The following ZNF596 variants were observed in gnomAD, a reference collection of about 807,000 sequenced individuals.
The protein encoded by ZNF596 is zinc finger protein 596.
A neutral mutation model predicts 48.3 loss-of-function variants in ZNF596; 45 were observed. The ratio of observed to expected loss-of-function variants is 0.93; its 90% confidence interval spans 0.73 to 1.19. The LOEUF (loss-of-function observed/expected upper bound fraction) is 1.19, where lower values mean the gene tolerates loss of function less well. ZNF596 is among the 50% of genes most tolerant of loss of function. The pLI is 0.00. For missense variants in ZNF596, 848 were observed against 599.7 expected, an observed-to-expected ratio of 1.41 and a Z score of -4.32; for synonymous variants, 270 against 202.0, an observed-to-expected ratio of 1.34 and a Z score of -2.85.
At chr8:244,852 A>T (rs1796999201) in intron 5 of ZNF596, 151 bp downstream of exon 5, 1 of 713,228 alleles carries the variant, frequency 1.4e-6, no homozygotes, top group African/African-American at 1.8e-5. Context: ...CTTCAAATCA[A>T]AACCATAATA....
chr8:234,604 A>T (rs984331284), intron 1 of ZNF596: 4 of 152,194 alleles, frequency 2.6e-5, no homozygotes, highest in African/African-American at 9.6e-5. Flanking sequence ...GGAAAAAGTC[A>T]TGTTATTCAT....
At chr8:238,131 G>C (rs3008278) in intron 1 of ZNF596, among the ~76,000 whole-genome samples, 51,101 of 151,974 alleles carry the variant, frequency 0.34, 8,988 homozygotes, top group Non-Finnish European at 0.38. Flanking sequence ...AAGCTCACAG[G>C]GGCCTTGGAT....
chr8:237,885 T>C (rs983381329), intron 1 of ZNF596, among the ~76,000 whole-genome samples: 1 of 152,224 alleles, frequency 6.6e-6, no homozygotes, highest in Non-Finnish European at 1.5e-5. Context: ...TGGCTGAGCT[T>C]CTGCCATCTG....
rs746789467 is a variant in ZNF596, at chr8:240,931, A to C, written c.12+24A>C. On this transcript the variant is annotated intron_variant, in intron 2 of 5. Coordinates refer to ENST00000398612, the MANE Select transcript of ZNF596 (RefSeq NM_001042416.3). Reference sequence around the variant, plus strand: ...CGGTGAGTGGGAAATTCTTCTTTCTACTGAAATTTGTACCCCTGTTACCAG... The same window carrying C: ...CGGTGAGTGGGAAATTCTTCTTTCTCCTGAAATTTGTACCCCTGTTACCAG... The C allele has an allele frequency of 6.2e-6, 10 of 1,613,838 alleles. No individual in the cohort carries two copies. In the Admixed American group the frequency reaches 1.3e-4, roughly 22 times the overall value.
intron 1 of ZNF596, among the ~76,000 whole-genome samples, chr8:239,386 G>C (rs945238275): frequency 6.6e-6 from 1 of 152,052 alleles, no homozygotes; most frequent in Non-Finnish European, 1.5e-5. Flanking sequence ...ACGGGGTTTT[G>C]GGGTTTCACC....
In ZNF596 at chr8:245,397, C is replaced by T. The variant is rs867319545; in HGVS notation, c.550C>T (p.Pro184Ser). Residue 184 changes from proline (P) to serine (S), a missense_variant, in exon 6 of 6, where the codon CCA (proline) becomes TCA (serine). Transcript: ENST00000398612. ...CTTTATCCAAAACTCTGCCCTTAGA[C>T]CACACAGTGTGACTCACACTAGAGA... ...YAFIQNSALRPHSVTHTREIT... is the reference protein window; with the variant it reads ...YAFIQNSALRSHSVTHTREIT... 2 of 1,614,034 alleles carry T rather than the reference C, an allele frequency of 1.2e-6. No individual in the cohort carries two copies. Among genetic ancestry groups the T allele is most frequent in the Non-Finnish European group, 1.7e-6 (2 of 1,180,016 alleles).
At chr8:233,652 C>G (rs924222323) in intron 1 of ZNF596, 44 of 152,774 alleles carry the variant, frequency 2.9e-4, no homozygotes, top group African/African-American at 1.1e-3. Flanking sequence ...TTTGTTCCAA[C>G]AGATTACATG....
intron 1 of ZNF596, among the ~76,000 whole-genome samples, chr8:235,107 G>C (rs1488772269): frequency 4.6e-5 from 7 of 152,170 alleles, no homozygotes; most frequent in Non-Finnish European, 7.3e-5. Flanking sequence ...TGATAGCTTT[G>C]ACAAATTAAG....
At chr8:232,287 C>T (rs554044315), upstream of ZNF596, 133 of 168,566 alleles carry the variant, frequency 7.9e-4, no homozygotes, top group Non-Finnish European at 1.8e-3. Flanking sequence ...CCGCCCCTGC[C>T]CGAGACCCCG....
At chr8:235,727 C>T (rs1392719698) in intron 1 of ZNF596, among the ~76,000 whole-genome samples, 4 of 152,060 alleles carry the variant, frequency 2.6e-5, no homozygotes, top group Non-Finnish European at 2.9e-5. Flanking sequence ...CCTTCCTTCA[C>T]GCCCTTTGAT....
rs201830584 is a variant in ZNF596, at chr8:243,949, G to A, written c.223+144G>A. 152 of 592,706 alleles carry A rather than the reference G, an allele frequency of 2.6e-4. 1 individual carries two copies. The East Asian group carries it at 4.1e-3, about 16-fold the overall frequency. 36.7% of individuals were successfully genotyped at this position (592,706 alleles called of 1,614,324 possible). A position where few individuals can be genotyped will look rare whatever the true frequency, so the allele number is the denominator to read the frequency against. ...GTCACCCAGGCTGGAGTGCAGTGGC[G>A]TGATCTCGGCTCACTGCAACCTCTG... On this transcript the variant is annotated intron_variant, in intron 4 of 5. Coordinates refer to ENST00000398612, the MANE Select transcript of ZNF596 (RefSeq NM_001042416.3).
rs1303643393 is a variant in ZNF596 at position 243,748 on chromosome 8, C to T, written c.166C>T (p.Leu56Phe). ...CAAACAGCTCTGCAAATCAGTTGTG[C>T]TTTCCCAATTGGAGCAAGTAGAGAA... ...IGKQLCKSVV[L>F]SQLEQVEKLS... is the part of the protein sequence containing the mutation. Residue 56 changes from leucine to phenylalanine, a missense_variant, in exon 4 of 6, where the codon CTT (leucine) becomes TTT (phenylalanine). Coordinates refer to ENST00000398612, the MANE Select transcript of ZNF596 (RefSeq NM_001042416.3). The T allele has an allele frequency of 6.2e-7, 1 of 1,613,740 alleles. No individual in the cohort carries two copies. The highest frequency in any genetic ancestry group is 8.5e-7 in the Non-Finnish European group (1 of 1,179,760).
chr8:245,421 G>T lies in ZNF596; in HGVS notation c.574G>T (p.Glu192Ter). The change falls in exon 6 of 6, where the codon GAG (glutamate) becomes TAG (stop). Residue 192 changes from glutamate (E) to a stop codon, truncating the protein, a stop_gained. Transcript: ENST00000398612. LOFTEE classifies it high-confidence loss of function. Reference sequence around the variant, plus strand: ...ACCACACAGTGTGACTCACACTAGAGAGATAACATTGGAATGTCGTGTGTG... The same window carrying T: ...ACCACACAGTGTGACTCACACTAGATAGATAACATTGGAATGTCGTGTGTG... ...LRPHSVTHTR[E>*]ITLECRVCGK... 1 of 1,614,164 alleles carries T rather than the reference G, an allele frequency of 6.2e-7. No homozygotes were observed. The highest frequency in any genetic ancestry group is 8.5e-7 in the Non-Finnish European group (1 of 1,180,014).
chr8:245,791 C>A lies in ZNF596; in HGVS notation c.944C>A (p.Ala315Asp). 6.2e-7 allele frequency: 1 copy of A among 1,614,098 alleles called. No homozygotes were observed. Among genetic ancestry groups the A allele is most frequent in the Non-Finnish European group, 8.5e-7 (1 of 1,180,012 alleles). The change falls in exon 6 of 6, where the codon GCT becomes GAT. Residue 315 changes from alanine (A) to aspartate (D), a missense_variant. Coordinates refer to ENST00000398612, the MANE Select transcript of ZNF596 (RefSeq NM_001042416.3). ...KPYGCLLCGK[A>D]FSKCSYLRQH... ...TATGGATGTCTCCTATGTGGGAAGGCTTTCAGTAAATGTTCTTACCTTAGA... is the reference window on the plus strand; with the variant it reads ...TATGGATGTCTCCTATGTGGGAAGGATTTCAGTAAATGTTCTTACCTTAGA...
rs756152260 is a variant in ZNF596, at chr8:245,448, G to A, written c.601G>A (p.Gly201Arg). 4.3e-6 allele frequency: 7 copies of A among 1,614,154 alleles called. No individual in the cohort carries two copies. Among genetic ancestry groups the A allele is most frequent in the South Asian group, 1.1e-5 (1 of 91,086 alleles). Reference protein sequence around the residue: ...REITLECRVCGKTFSKNSNLR... With the variant: ...REITLECRVCRKTFSKNSNLR... ...GATAACATTGGAATGTCGTGTGTGT[G>A]GGAAAACCTTTAGCAAAAATTCTAA... is the stretch of plus-strand genomic sequence containing the variant. The change falls in exon 6 of 6, where the codon GGG (glycine) becomes AGG (arginine). Residue 201 changes from glycine (G) to arginine (R), a missense_variant. Gly to Arg is a moderately radical substitution (Grantham distance 125, BLOSUM62 -2). Coordinates refer to ENST00000398612, the MANE Select transcript of ZNF596 (RefSeq NM_001042416.3).
chr8:243,988 A>G, intron 4 of ZNF596, 183 bp downstream of exon 4: 1 of 444,844 alleles, frequency 2.2e-6, no homozygotes, highest in Non-Finnish European at 4.1e-6. Context: ...CCCAGATTCA[A>G]GTGATTCTCT....
In ZNF596 at chr8:232,702, T is replaced by A; in HGVS notation, c.-73+8T>A. On this transcript the variant is annotated splice_region_variant and intron_variant, in intron 1 of 5. Transcript: ENST00000398612. ...TATCGCGCGCGGCCTCAGGTCCCGA[T>A]TCGGCATGTGGCTTGTCTTCCATCG... 2.6e-6 allele frequency: 1 copy of A among 391,422 alleles called. No homozygotes were observed. 24.2% of individuals were successfully genotyped at this position (391,422 alleles called of 1,614,324 possible).
chr8:245,893 A>G lies in ZNF596; in HGVS notation c.1046A>G (p.His349Arg). 2 of 1,614,022 alleles carry G rather than the reference A, an allele frequency of 1.2e-6. No homozygotes were observed. Among genetic ancestry groups the G allele is most frequent in the Non-Finnish European group, 1.7e-6 (2 of 1,179,994 alleles). ...LCGKAFSHCS[H>R]LRQHERSHNG... ...GGAAAAGCCTTCTCTCATTGTTCTC[A>G]CCTTAGACAACATGAGCGAAGTCAC... Residue 349 changes from histidine to arginine, a missense_variant, in exon 6 of 6, where the codon CAC (histidine) becomes CGC (arginine). Coordinates refer to ENST00000398612, the MANE Select transcript of ZNF596 (RefSeq NM_001042416.3).
chr8:240,193 T>C (rs1020365179), intron 1 of ZNF596: 2 of 152,250 alleles, frequency 1.3e-5, no homozygotes, highest in African/African-American at 4.8e-5. Context: ...CCCTTTAGCA[T>C]TTCTTGTAAG....
Sources: allele counts gnomAD v4.1 joint callset (sites outside exome capture counted in the v4.1 genomes callset), GRCh38; gene constraint gnomAD v4.1.1; transcripts MANE v1.5; gene names NCBI Gene and HGNC (gene_info 2026-07-23, HGNC 2026-07-21).